The following SLC22A16 variants were observed in gnomAD, a reference collection of about 807,000 sequenced individuals.
SLC22A16 encodes the protein solute carrier family 22 member 16, also known as WUGSC:RG331P03.1.
In SLC22A16, 53 loss-of-function variants were observed where a neutral mutation model predicts 52.9. The ratio of observed to expected loss-of-function variants is 1.00; its 90% CI spans 0.80 to 1.26. SLC22A16 has a LOEUF of 1.26. Among genes scored for constraint, SLC22A16 ranks in the 50% most tolerant of loss-of-function variants. SLC22A16 has a pLI of 0.00. For synonymous variants in SLC22A16, 291 were observed against 268.8 expected (o/e 1.08, Z -0.81); for missense variants, 726 against 704.0 (o/e 1.03, Z -0.35).
chr6:110,433,013 C>G (rs533024202), intron 6 of SLC22A16, among the ~76,000 whole-genome samples: 4 of 152,126 alleles, frequency 2.6e-5, no homozygotes, highest in Non-Finnish European at 5.9e-5. Flanking sequence ...TGCCTTTGGC[C>G]ACGACCCTAA....
intron 6 of SLC22A16, among the ~76,000 whole-genome samples, 153 bp from the exon 7 acceptor site, chr6:110,431,423 C>A (rs1022604): frequency 0.21 from 32,168 of 152,190 alleles, 3,768 homozygotes; most frequent in East Asian, 0.34. Flanking sequence ...TCGGTGGCCC[C>A]GCGAGATTAT....
At chr6:110,465,015 G>A (rs970886368) in intron 1 of SLC22A16, among the ~76,000 whole-genome samples, 3 of 150,952 alleles carry the variant, frequency 2.0e-5, no homozygotes, top group African/African-American at 4.9e-5. Flanking sequence ...CATTCACCAC[G>A]TAAACAAAAT....
chr6:110,426,020 T>C lies in SLC22A16; in HGVS notation c.1522-935A>G, dbSNP rs149349479. ...CTGAAAATGAGAATCATAAAATACA[T>C]AGAGCAAGTGTGAAGTGATGCCAGA... On this transcript the variant is annotated intron_variant, in intron 7 of 7. Coordinates refer to ENST00000368919, the MANE Select transcript of SLC22A16 (RefSeq NM_033125.4). 4.5e-3 allele frequency among the ~76,000 whole-genome samples: 690 copies of C among 152,324 alleles called. 7 individuals are homozygous for C. The highest frequency in any genetic ancestry group is 0.016 in the African/African-American group (675 of 41,562).
chr6:110,475,965 T>G (rs1248609834), intron 1 of SLC22A16: 2 of 456,178 alleles, frequency 4.4e-6, no homozygotes, highest in Admixed American at 2.4e-5. Context: ...CCGGTGAACA[T>G]CAAATGAAGA....
chr6:110,426,805 C>T (rs1157436598), intron 7 of SLC22A16, among the ~76,000 whole-genome samples: 1 of 151,814 alleles, frequency 6.6e-6, no homozygotes, highest in East Asian at 1.9e-4. Flanking sequence ...ACAAAATTAG[C>T]CGGGCGAGGT....
chr6:110,434,910 G>A (rs142274190), intron 6 of SLC22A16, among the ~76,000 whole-genome samples: 1,781 of 152,066 alleles, frequency 0.012, 36 homozygotes, highest in African/African-American at 0.039. Flanking sequence ...CCCAGGAGGC[G>A]GAGCTTGCAG....
At position 110,446,890 on chromosome 6, in the gene SLC22A16, G is replaced by A. The variant is rs370297042; in HGVS notation, c.634C>T (p.Arg212Cys). ...CAACTCACCATGGCAAGAAAAAAGCGAGCAGCCATGAAGGTGTAATAATCA... is the reference window on the plus strand; with the variant it reads ...CAACTCACCATGGCAAGAAAAAAGCAAGCAGCCATGAAGGTGTAATAATCA... ...AVDYYTFMAA[R>C]FFLAMVASGY... Residue 212 changes from arginine (R) to cysteine (C), a missense_variant, in exon 3 of 8, where the codon CGC (arginine) becomes TGC (cysteine). Coordinates refer to ENST00000368919, the MANE Select transcript of SLC22A16 (RefSeq NM_033125.4). The A allele has an allele frequency of 2.8e-5, 45 of 1,610,560 alleles. No individual in the cohort carries two copies. In the Middle Eastern group the frequency reaches 6.6e-4, roughly 24 times the overall value.
rs560521653 is a variant in SLC22A16 at position 110,461,715 on chromosome 6, T to C, written c.54-4698A>G. Among the ~76,000 whole-genome samples, 16 of 152,158 alleles carry C rather than the reference T, an allele frequency of 1.1e-4. 1 individual carries two copies. Among genetic ancestry groups the C allele is most frequent in the East Asian group, 5.8e-4 (3 of 5,170 alleles). On this transcript the variant is annotated intron_variant, in intron 1 of 7. Coordinates refer to ENST00000368919, the MANE Select transcript of SLC22A16 (RefSeq NM_033125.4). Reference sequence around the variant, plus strand: ...AAAGCCACCACACAAATGATATCCATAACCAAGGAACCCATAGAGACCCTT... The same window carrying C: ...AAAGCCACCACACAAATGATATCCACAACCAAGGAACCCATAGAGACCCTT...
intron 7 of SLC22A16, chr6:110,425,492 C>T (rs1320505901): frequency 5.0e-6 from 5 of 1,005,426 alleles, no homozygotes; most frequent in Non-Finnish European, 6.8e-6. Context: ...CAGGGACTGT[C>T]TTAGTCAACC....
At chr6:110,457,857 A>C (rs1024749921) in intron 1 of SLC22A16, among the ~76,000 whole-genome samples, 1 of 152,128 alleles carries the variant, frequency 6.6e-6, no homozygotes, top group African/African-American at 2.4e-5. Flanking sequence ...GCCAAAGAAA[A>C]GTACCCGCTA....
At chr6:110,445,327 G>C (rs1405272817) in intron 3 of SLC22A16, among the ~76,000 whole-genome samples, 1 of 152,058 alleles carries the variant, frequency 6.6e-6, no homozygotes, top group Non-Finnish European at 1.5e-5. Flanking sequence ...CTCACAGTGA[G>C]AAAACCCTTG....
chr6:110,448,941 C>T (rs968665286), intron 2 of SLC22A16, among the ~76,000 whole-genome samples: 3 of 152,094 alleles, frequency 2.0e-5, no homozygotes, highest in African/African-American at 7.2e-5. Flanking sequence ...TTTGTTTTTC[C>T]CTCTCCTTTG....
chr6:110,438,910 C>A, intron 4 of SLC22A16, 63 bp from the exon 5 acceptor site: 1 of 1,593,716 alleles, frequency 6.3e-7, no homozygotes, highest in South Asian at 1.1e-5. Context: ...GGACCCCCGT[C>A]TTCTAACCCA....
intron 1 of SLC22A16, among the ~76,000 whole-genome samples, chr6:110,472,600 T>A (rs1450194321): frequency 1.3e-5 from 2 of 151,904 alleles, no homozygotes; most frequent in African/African-American, 4.8e-5. Flanking sequence ...CTCCTTCAAT[T>A]CAAATTTCCC....
chr6:110,476,044 G>C (rs1776458666), intron 1 of SLC22A16: 1 of 455,944 alleles, frequency 2.2e-6, no homozygotes, highest in East Asian at 7.0e-5. Context: ...AACCAACTCT[G>C]ACTAACGGTT....
intron 6 of SLC22A16, 65 bp from the exon 7 acceptor site, chr6:110,431,335 C>CAGGAAGCAGG: frequency 2.2e-6 from 3 of 1,344,230 alleles, no homozygotes; most frequent in Non-Finnish European, 3.2e-6. Context: ...GAGGGACCTG[C>CAGGAAGCAGG]TTCCTGCAGC....
At chr6:110,459,112 A>G (rs957890683) in intron 1 of SLC22A16, among the ~76,000 whole-genome samples, 5 of 152,230 alleles carry the variant, frequency 3.3e-5, no homozygotes, top group African/African-American at 9.6e-5. Context: ...AAGAGGGAGA[A>G]GAGACCAATC....
chr6:110,442,728 G>A lies in SLC22A16; in HGVS notation c.699C>T (p.Phe233=). 1 of 1,614,052 alleles carries A rather than the reference G, an allele frequency of 6.2e-7. No individual in the cohort carries two copies. Among genetic ancestry groups the A allele is most frequent in the Non-Finnish European group, 8.5e-7 (1 of 1,180,008 alleles). The change falls in exon 4 of 8, where the codon TTC becomes TTT. Residue 233 remains phenylalanine (F), a synonymous_variant. Transcript: ENST00000368919. ...LVVGFVYVME[F]IGMKSRTWAS... ...CCCATGTCCGAGACTTCATGCCAAT[G>A]AATTCCATCACATAGACAAACCCCA... is the stretch of plus-strand genomic sequence containing the variant.
At chr6:110,471,697 G>T (rs1395247236) in intron 1 of SLC22A16, among the ~76,000 whole-genome samples, 1 of 152,216 alleles carries the variant, frequency 6.6e-6, no homozygotes, top group Non-Finnish European at 1.5e-5. Context: ...TGGGGGACAG[G>T]GACGGAGTAG....
Sources: gnomAD v4.1 joint callset for allele counts (sites outside exome capture counted in the v4.1 genomes callset) on GRCh38, gnomAD v4.1.1 for gene constraint, MANE v1.5 for transcripts, NCBI Gene and HGNC (gene_info 2026-07-23, HGNC 2026-07-21) for gene names.